The following ANO3 variants were observed in gnomAD, a reference collection of about 807,000 sequenced individuals.
ANO3 encodes anoctamin 3.
In ANO3, 99 loss-of-function variants were observed where a neutral mutation model predicts 144.8. The ratio of observed to expected loss-of-function variants is 0.68; its 90% CI spans 0.58 to 0.81. The LOEUF is 0.81. Among genes scored for constraint, ANO3 ranks in the 30% least tolerant of loss-of-function variants. The pLI is 0.00. For missense variants in ANO3, 905 were observed against 1,202.2 expected, an observed-to-expected ratio of 0.75 and a Z score of 3.66; for synonymous variants, 414 against 392.6, an observed-to-expected ratio of 1.05 and a Z score of -0.64.
chr11:26,201,781 A>G (rs1262350813), intron 1 of ANO3, among the ~76,000 whole-genome samples: 1 of 149,494 alleles, frequency 6.7e-6, no homozygotes, highest in African/African-American at 2.5e-5. Context: ...TTTTTTTAAC[A>G]TTCAAGCTAT....
intron 10 of ANO3, among the ~76,000 whole-genome samples, chr11:26,537,876 T>C (rs1229395510): frequency 2.0e-5 from 3 of 152,180 alleles, no homozygotes; most frequent in Admixed American, 2.0e-4. Context: ...TTTGTCAGAT[T>C]ATTACCTCCC....
intron 1 of ANO3, among the ~76,000 whole-genome samples, chr11:26,273,573 C>A (rs1330517008): frequency 6.6e-6 from 1 of 151,022 alleles, no homozygotes. Context: ...GTTTTGCATG[C>A]CTTCACAGGA....
chr11:26,215,522 A>G (rs1852019513), intron 1 of ANO3, among the ~76,000 whole-genome samples: 1 of 151,824 alleles, frequency 6.6e-6, no homozygotes, highest in Non-Finnish European at 1.5e-5. Flanking sequence ...CTCAACTTGT[A>G]TATTTTCTTC....
chr11:26,550,886 A>G (rs1204445470), intron 12 of ANO3, among the ~76,000 whole-genome samples: 1 of 151,964 alleles, frequency 6.6e-6, no homozygotes, highest in Non-Finnish European at 1.5e-5. Context: ...GATTTCTACC[A>G]GCAGTGTACA....
chr11:26,417,888 T>C (rs1857637941), intron 1 of ANO3, among the ~76,000 whole-genome samples: 1 of 152,112 alleles, frequency 6.6e-6, no homozygotes, highest in Non-Finnish European at 1.5e-5. Context: ...ATTCTACCTT[T>C]ACTACATATT....
chr11:26,366,260 T>C (rs147310810), intron 1 of ANO3, among the ~76,000 whole-genome samples: 2 of 152,282 alleles, frequency 1.3e-5, no homozygotes, highest in Non-Finnish European at 2.9e-5. Context: ...TTTTTTGTCC[T>C]TGCGATAGTT....
intron 1 of ANO3, among the ~76,000 whole-genome samples, chr11:26,347,422 G>A (rs1240772033): frequency 1.3e-5 from 2 of 152,218 alleles, no homozygotes; most frequent in Non-Finnish European, 1.5e-5. Context: ...GTAAAGCAGG[G>A]AAGGTGACTA....
intron 14 of ANO3, among the ~76,000 whole-genome samples, chr11:26,566,614 C>A (rs1850594791): frequency 1.3e-5 from 2 of 151,820 alleles, no homozygotes; most frequent in Admixed American, 1.3e-4. Flanking sequence ...TTTAATCTTA[C>A]TCTCTTATTT....
intron 4 of ANO3, among the ~76,000 whole-genome samples, chr11:26,491,668 A>T (rs1002078131): frequency 5.9e-5 from 9 of 152,208 alleles, no homozygotes; most frequent in African/African-American, 2.2e-4. Context: ...TGGTTATGGA[A>T]AAATAGCCAT....
rs185335519 is a variant in ANO3, at chr11:26,530,617, T to C, written c.738-588T>C. ...GGCTCATGCCTATAATCCCAGCACT[T>C]TGGGAGGCCGAGGCGGGTGGATCTC... On this transcript the variant is annotated intron_variant, in intron 7 of 26. Transcript: ENST00000256737. 4.0e-3 allele frequency among the ~76,000 whole-genome samples: 600 copies of C among 151,884 alleles called. 3 individuals are homozygous for C. The highest frequency in any genetic ancestry group is 0.014 in the African/African-American group (579 of 41,414).
At chr11:26,350,607 CT>C (rs1360132316) in intron 1 of ANO3, among the ~76,000 whole-genome samples, 3 of 151,884 alleles carry the variant, frequency 2.0e-5, no homozygotes, top group Non-Finnish European at 4.4e-5. Flanking sequence ...AGTGTTCAAT[CT>C]TTTTTAAAGT....
chr11:26,213,487 GACAA>G (rs1851976310), intron 1 of ANO3, among the ~76,000 whole-genome samples: 1 of 152,092 alleles, frequency 6.6e-6, no homozygotes, highest in East Asian at 1.9e-4. Flanking sequence ...ACCAATAACA[GACAA>G]ACAGAGAGCC....
intron 17 of ANO3, among the ~76,000 whole-genome samples, chr11:26,610,770 G>A (rs1470124660): frequency 6.6e-6 from 1 of 151,972 alleles, no homozygotes. Flanking sequence ...TAGGTCCTAG[G>A]CCTTTTTTCG....
At chr11:26,279,078 G>T (rs569063624) in intron 1 of ANO3, among the ~76,000 whole-genome samples, 75 of 152,222 alleles carry the variant, frequency 4.9e-4, no homozygotes, top group African/African-American at 1.6e-3. Context: ...AATGTGAGGA[G>T]ACTAGAAGCA....
At chr11:26,198,660 A>G (rs1167012202) in intron 1 of ANO3, among the ~76,000 whole-genome samples, 1 of 152,148 alleles carries the variant, frequency 6.6e-6, no homozygotes, top group Non-Finnish European at 1.5e-5. Context: ...CCCTGCATAC[A>G]TACCTTTCTT....
chr11:26,223,325 A>C (rs67223308), intron 1 of ANO3, among the ~76,000 whole-genome samples: 45,962 of 151,876 alleles, frequency 0.3, 7,690 homozygotes, highest in Non-Finnish European at 0.37. Flanking sequence ...ATCTTTACTC[A>C]AGTTCCCAAA....
At chr11:26,265,548 A>G (rs902961182) in intron 1 of ANO3, among the ~76,000 whole-genome samples, 1 of 152,228 alleles carries the variant, frequency 6.6e-6, no homozygotes, top group African/African-American at 2.4e-5. Context: ...CAGTCTCAGC[A>G]TTACTGAAAC....
chr11:26,582,912 T>C (rs572302744), intron 14 of ANO3, among the ~76,000 whole-genome samples: 1 of 152,276 alleles, frequency 6.6e-6, no homozygotes, highest in African/African-American at 2.4e-5. Context: ...GATGGTAAGA[T>C]GAGGAAAAGG....
At chr11:26,446,948 A>C (rs891374768) in intron 3 of ANO3, among the ~76,000 whole-genome samples, 1 of 152,074 alleles carries the variant, frequency 6.6e-6, no homozygotes, top group Non-Finnish European at 1.5e-5. Flanking sequence ...GGTGGCTCCC[A>C]CCTGTAATAC....
Sources: allele counts gnomAD v4.1 joint callset (sites outside exome capture counted in the v4.1 genomes callset), GRCh38; gene constraint gnomAD v4.1.1; transcripts MANE v1.5; gene names NCBI Gene and HGNC (gene_info 2026-07-23, HGNC 2026-07-21).